Variants in AKAP7 observed in about 807,000 individuals in gnomAD.
AKAP7 encodes A-kinase anchoring protein 7, also known as A kinase (PRKA) anchor protein 7.
Under a neutral mutation model 39.5 loss-of-function variants are expected in AKAP7, and 39 were observed. The observed-to-expected ratio is 0.99, with a 90% CI of 0.76 to 1.29. AKAP7 has a LOEUF of 1.29. Among genes scored for constraint, AKAP7 ranks in the 50% most tolerant of loss-of-function variants. AKAP7 has a pLI of 0.00. For synonymous variants in AKAP7, 140 were observed against 139.1 expected (o/e 1.01, Z -0.05); for missense variants, 414 against 407.7 (o/e 1.02, Z -0.13).
At chr6:131,137,839 A>T (rs1326157688) in intron 1 of AKAP7, 2 of 152,208 alleles carry the variant, frequency 1.3e-5, no homozygotes, top group Non-Finnish European at 2.9e-5. Flanking sequence ...AGAAATGAGA[A>T]ACATGAATAT....
In AKAP7 at chr6:131,282,149, T is replaced by C; in HGVS notation, c.*423T>C. The C allele has an allele frequency of 8.3e-7, 1 of 1,203,402 alleles. No homozygotes were observed. Among genetic ancestry groups the C allele is most frequent in the East Asian group, 3.8e-5 (1 of 26,058 alleles). The allele number at this position is 1,203,402 out of a possible 1,614,324, so 74.5% of individuals were successfully genotyped here. ...CAGCTATCAAGTGCTAAGTTTAAAA[T>C]AATCACTGTTGGAATTGTCATCTGT... On this transcript the variant is annotated 3_prime_UTR_variant, in exon 8 of 8. Coordinates refer to ENST00000431975, the MANE Select transcript of AKAP7 (RefSeq NM_016377.4).
At chr6:131,219,308 A>G (rs1478806838) in intron 6 of AKAP7, among the ~76,000 whole-genome samples, 1 of 151,104 alleles carries the variant, frequency 6.6e-6, no homozygotes, top group Non-Finnish European at 1.5e-5. Context: ...AAAAAAAAAA[A>G]TTATCCATTT....
chr6:131,175,581 G>GCTAAAGGAA (rs1804498786), intron 5 of AKAP7, among the ~76,000 whole-genome samples: 1 of 152,164 alleles, frequency 6.6e-6, no homozygotes, highest in Non-Finnish European at 1.5e-5. Context: ...AACTAGTAAA[G>GCTAAAGGAA]TCTAAATTGA....
At chr6:131,259,338 G>C (rs1011837587) in intron 7 of AKAP7, among the ~76,000 whole-genome samples, 1 of 152,150 alleles carries the variant, frequency 6.6e-6, no homozygotes, top group African/African-American at 2.4e-5. Flanking sequence ...CAGCTGGAGT[G>C]TGACCTGAGG....
At chr6:131,260,153 C>T (rs1461737618) in intron 7 of AKAP7, among the ~76,000 whole-genome samples, 1 of 152,138 alleles carries the variant, frequency 6.6e-6, no homozygotes, top group African/African-American at 2.4e-5. Flanking sequence ...TTTAAGGCTG[C>T]ATAGTATTCC....
chr6:131,248,373 T>C (rs138578938), intron 7 of AKAP7, among the ~76,000 whole-genome samples: 81 of 152,330 alleles, frequency 5.3e-4, no homozygotes, highest in African/African-American at 1.5e-3. Flanking sequence ...AAAGGTTTTA[T>C]CACTATACTG....
intron 2 of AKAP7, among the ~76,000 whole-genome samples, chr6:131,150,747 A>G (rs1041773296): frequency 6.6e-6 from 1 of 152,164 alleles, no homozygotes; most frequent in African/African-American, 2.4e-5. Flanking sequence ...GCTAGTGTGT[A>G]CTTTTTCCAG....
At chr6:131,152,855 G>T (rs530821617) in intron 2 of AKAP7, among the ~76,000 whole-genome samples, 1 of 148,990 alleles carries the variant, frequency 6.7e-6, no homozygotes, top group Non-Finnish European at 1.5e-5. Flanking sequence ...AAGTCCGGGC[G>T]CGCTGGCTCA....
chr6:131,199,645 G>C, intron 6 of AKAP7, 72 bp downstream of exon 6: 1 of 1,222,056 alleles, frequency 8.2e-7, no homozygotes, highest in Non-Finnish European at 1.2e-6. Flanking sequence ...TGGAGCACGA[G>C]TGACATTGCT....
chr6:131,161,431 G>T (rs1356087006), intron 3 of AKAP7, among the ~76,000 whole-genome samples: 1 of 151,666 alleles, frequency 6.6e-6, no homozygotes, highest in South Asian at 2.1e-4. Flanking sequence ...GATCCCTCGA[G>T]CCCAGGAGTT....
At chr6:131,138,661 T>C (rs998765034) in intron 1 of AKAP7, among the ~76,000 whole-genome samples, 2 of 152,196 alleles carry the variant, frequency 1.3e-5, no homozygotes, top group Non-Finnish European at 2.9e-5. Context: ...ATAATGGTAA[T>C]AGAGTGACTG....
At chr6:131,161,644 C>CAA (rs55744190) in intron 3 of AKAP7, among the ~76,000 whole-genome samples, 517 of 33,626 alleles carry the variant, frequency 0.015, 90 homozygotes, top group South Asian at 0.023. Flanking sequence ...GACTGTATCT[C>CAA]AAAAAAAAAA....
intron 7 of AKAP7, among the ~76,000 whole-genome samples, chr6:131,234,350 A>G (rs987344320): frequency 6.6e-6 from 1 of 152,198 alleles, no homozygotes; most frequent in Non-Finnish European, 1.5e-5. Flanking sequence ...TACAATTTAA[A>G]GTGGTAATGA....
At chr6:131,178,323 G>A (rs1804771650) in intron 5 of AKAP7, among the ~76,000 whole-genome samples, 2 of 152,126 alleles carry the variant, frequency 1.3e-5, no homozygotes, top group South Asian at 2.1e-4. Context: ...AATAGTAACC[G>A]TTCTGAAAAT....
chr6:131,145,626 C>T (rs1293724575), intron 2 of AKAP7, among the ~76,000 whole-genome samples: 2 of 152,140 alleles, frequency 1.3e-5, no homozygotes, highest in African/African-American at 2.4e-5. Flanking sequence ...TCACTGCAGC[C>T]TTGACCTGCC....
chr6:131,261,692 A>AT (rs1307175583), intron 7 of AKAP7, among the ~76,000 whole-genome samples: 2 of 151,990 alleles, frequency 1.3e-5, no homozygotes, highest in Non-Finnish European at 1.5e-5. Flanking sequence ...TGAAATACGC[A>AT]TTTTTTTCTA....
At chr6:131,167,381 G>T (rs1371688832) in intron 4 of AKAP7, among the ~76,000 whole-genome samples, 1 of 152,054 alleles carries the variant, frequency 6.6e-6, no homozygotes, top group Non-Finnish European at 1.5e-5. Flanking sequence ...TAACGACATA[G>T]AATTCACTGT....
upstream of AKAP7, among the ~76,000 whole-genome samples, chr6:131,132,117 C>G (rs1451962944): frequency 6.6e-6 from 1 of 152,014 alleles, no homozygotes; most frequent in East Asian, 1.9e-4. Flanking sequence ...TCGAGACCAT[C>G]TTGGCTAACA....
chr6:131,138,497 AT>A (rs1232034156), intron 1 of AKAP7, among the ~76,000 whole-genome samples: 1 of 152,136 alleles, frequency 6.6e-6, no homozygotes, highest in Admixed American at 6.5e-5. Context: ...TTGAGCATGG[AT>A]GATAGATAAC....
Sources: allele counts gnomAD v4.1 joint callset (sites outside exome capture counted in the v4.1 genomes callset), GRCh38; gene constraint gnomAD v4.1.1; transcripts MANE v1.5; gene names NCBI Gene and HGNC (gene_info 2026-07-23, HGNC 2026-07-21).